Variants in LAMA2 observed in about 807,000 individuals in gnomAD.
The protein encoded by LAMA2 is laminin subunit alpha 2, also known as laminin subunit alpha-2.
In LAMA2, 269 loss-of-function variants were observed where a neutral mutation model predicts 364.8. The observed-to-expected ratio is 0.74, with a 90% CI of 0.67 to 0.82. LAMA2 has a LOEUF of 0.82. LAMA2 is among the 40% of genes least tolerant of loss of function. The probability of loss-of-function intolerance (pLI) is 0.00; values close to 1 mark genes in which losing one functional copy is unlikely to be tolerated. For missense variants in LAMA2, 3,807 were observed against 3,873.2 expected, an observed-to-expected ratio of 0.98 and a Z score of 0.45; for synonymous variants, 1,379 against 1,370.6, an observed-to-expected ratio of 1.01 and a Z score of -0.14.
intron 55 of LAMA2, among the ~76,000 whole-genome samples, chr6:129,483,305 A>T (rs1233042504): frequency 6.6e-6 from 1 of 152,026 alleles, no homozygotes; most frequent in African/African-American, 2.4e-5. Flanking sequence ...CCCAAGAAAC[A>T]GATGACTATT....
At chr6:128,988,621 C>T (rs1318639138) in intron 1 of LAMA2, among the ~76,000 whole-genome samples, 2 of 152,158 alleles carry the variant, frequency 1.3e-5, no homozygotes, top group African/African-American at 4.8e-5. Flanking sequence ...GGGATTTTCA[C>T]AATTCTTAGC....
At chr6:129,399,990 A>G (rs1406823489) in intron 37 of LAMA2, among the ~76,000 whole-genome samples, 1 of 152,198 alleles carries the variant, frequency 6.6e-6, no homozygotes, top group Non-Finnish European at 1.5e-5. Flanking sequence ...CTGAGCTGCT[A>G]TAGCAAGAGA....
intron 1 of LAMA2, among the ~76,000 whole-genome samples, chr6:128,916,530 T>C (rs1778327692): frequency 6.6e-6 from 1 of 152,230 alleles, no homozygotes; most frequent in Non-Finnish European, 1.5e-5. Context: ...AGTTGAACAC[T>C]GCTTCAGTAA....
chr6:129,424,368 C>T (rs950014299), intron 40 of LAMA2, among the ~76,000 whole-genome samples: 10 of 150,300 alleles, frequency 6.7e-5, no homozygotes, highest in Non-Finnish European at 1.0e-4. Context: ...ACAAAATTAA[C>T]AACTTAAATT....
At chr6:129,078,596 T>C (rs1416663254) in intron 3 of LAMA2, among the ~76,000 whole-genome samples, 1 of 152,194 alleles carries the variant, frequency 6.6e-6, no homozygotes, top group Non-Finnish European at 1.5e-5. Context: ...CTTTGGACCA[T>C]ATTATCACTT....
At chr6:129,440,561 T>C (rs1476373835) in intron 42 of LAMA2, among the ~76,000 whole-genome samples, 1 of 152,136 alleles carries the variant, frequency 6.6e-6, no homozygotes, top group African/African-American at 2.4e-5. Flanking sequence ...TATGATCTTA[T>C]ACAATGAACA....
At chr6:129,431,737 C>G (rs1012230685) in intron 41 of LAMA2, among the ~76,000 whole-genome samples, 2 of 152,182 alleles carry the variant, frequency 1.3e-5, no homozygotes, top group African/African-American at 4.8e-5. Flanking sequence ...CTGTCCCACA[C>G]AGAGAACAGT....
chr6:129,430,595 A>T (rs1781540356), intron 41 of LAMA2, among the ~76,000 whole-genome samples: 1 of 152,220 alleles, frequency 6.6e-6, no homozygotes, highest in South Asian at 2.1e-4. Flanking sequence ...GAGGCTTGGT[A>T]CAAATTGATG....
chr6:129,491,798 A>C, intron 56 of LAMA2, 103 bp from the exon 57 acceptor site: 3 of 968,894 alleles, frequency 3.1e-6, no homozygotes, highest in Non-Finnish European at 4.8e-6. Flanking sequence ...GCTCCCTTAA[A>C]AGCTATGGTT....
rs893408541 is a variant in LAMA2, at chr6:129,511,539, C to T, written c.8858-824C>T. On this transcript the variant is annotated intron_variant, in intron 62 of 64. Coordinates refer to ENST00000421865, the MANE Select transcript of LAMA2 (RefSeq NM_000426.4). Reference sequence around the variant, plus strand: ...CAAAAGTCTTTCATGTAACAGCTACCATCCTTCATTGCAGACAGCCGTGGC... The same window carrying T: ...CAAAAGTCTTTCATGTAACAGCTACTATCCTTCATTGCAGACAGCCGTGGC... 2.0e-5 allele frequency among the ~76,000 whole-genome samples: 3 copies of T among 152,242 alleles called. No individual in the cohort carries two copies. The East Asian group carries it at 5.8e-4, about 29-fold the overall frequency.
chr6:128,917,169 C>A (rs545886339), intron 1 of LAMA2, among the ~76,000 whole-genome samples: 154 of 57,954 alleles, frequency 2.7e-3, no homozygotes, highest in African/African-American at 6.4e-3. Context: ...GAAATTGAAG[C>A]CTTTTTTAAA....
At chr6:129,246,490 G>A (rs4897306) in intron 12 of LAMA2, among the ~76,000 whole-genome samples, 85,778 of 151,964 alleles carry the variant, frequency 0.56, 28,285 homozygotes, top group Non-Finnish European at 0.75. Flanking sequence ...GCACCCTGGG[G>A]CACCTCTACA....
chr6:128,967,020 C>T (rs1014920009), intron 1 of LAMA2, among the ~76,000 whole-genome samples: 2 of 151,946 alleles, frequency 1.3e-5, no homozygotes, highest in African/African-American at 2.4e-5. Flanking sequence ...AAAAAGTCCT[C>T]ACAAACTTTA....
Position 129,478,793 on chromosome 6 carries a change from A to G in LAMA2, c.7552A>G (p.Thr2518Ala). ...CAGTAGTCCCGATTATGTTGGTGTT[A>G]CCAAAGGATGTTCCCTGGAGGTTGG... is the stretch of plus-strand genomic sequence containing the variant. ...ILSSPDYVGV[T>A]KGCSLENVYT... is the part of the protein sequence containing the mutation. The change falls in exon 54 of 65, where the codon ACC (threonine) becomes GCC (alanine). Residue 2518 changes from threonine to alanine, a missense_variant. By Grantham distance (58) the Thr-to-Ala change is moderately conservative. Around this residue, in one of 3 missense-constraint regions of LAMA2, gnomAD observed 3,333 missense variants for 3,345.7 expected, o/e 1.00. Coordinates refer to ENST00000421865, the MANE Select transcript of LAMA2 (RefSeq NM_000426.4). The G allele has an allele frequency of 1.2e-6, 2 of 1,613,342 alleles. No homozygotes were observed. Among genetic ancestry groups the G allele is most frequent in the Non-Finnish European group, 1.7e-6 (2 of 1,179,300 alleles).
chr6:128,990,868 G>T (rs1783566675), intron 1 of LAMA2, among the ~76,000 whole-genome samples: 1 of 152,030 alleles, frequency 6.6e-6, no homozygotes, highest in Non-Finnish European at 1.5e-5. Context: ...CTCTATATAT[G>T]CATAAAGAGG....
intron 3 of LAMA2, among the ~76,000 whole-genome samples, chr6:129,090,336 G>T (rs1257767830): frequency 6.6e-6 from 1 of 152,068 alleles, no homozygotes; most frequent in Admixed American, 6.5e-5. Context: ...ACTTCATTAT[G>T]TATCTCTGAA....
In LAMA2 at chr6:129,219,835, G is replaced by A. The variant is rs193228834; in HGVS notation, c.1782+26982G>A. Among the ~76,000 whole-genome samples, 7 of 148,128 alleles carry A rather than the reference G, an allele frequency of 4.7e-5. No individual in the cohort carries two copies. The South Asian group carries it at 6.6e-4, about 14-fold the overall frequency. On this transcript the variant is annotated intron_variant, in intron 12 of 64. Transcript: ENST00000421865. ...CACTCTGGGGACTGTTGTGGGGTGG[G>A]GGGGAGGGGGGAGAGATAGCATTAG...
intron 12 of LAMA2, among the ~76,000 whole-genome samples, chr6:129,204,767 T>G (rs1373939300): frequency 6.6e-6 from 1 of 152,136 alleles, no homozygotes; most frequent in Non-Finnish European, 1.5e-5. Flanking sequence ...ATCTCATAAT[T>G]TTCATTCTTG....
chr6:129,133,331 T>C (rs1428263061), intron 4 of LAMA2, among the ~76,000 whole-genome samples: 8 of 152,266 alleles, frequency 5.3e-5, no homozygotes, highest in African/African-American at 1.7e-4. Context: ...ACTGTGAATA[T>C]GCAATTTCAC....
Sources: allele counts gnomAD v4.1 joint callset (sites outside exome capture counted in the v4.1 genomes callset), GRCh38; gene constraint gnomAD v4.1.1; regional missense constraint gnomAD v4.1.1; transcripts MANE v1.5; gene names NCBI Gene and HGNC (gene_info 2026-07-23, HGNC 2026-07-21).